SLC2A7: variants seen among roughly 807,000 people sequenced by gnomAD.
SLC2A7 encodes solute carrier family 2, facilitated glucose transporter member 7.
In SLC2A7, 50 loss-of-function variants were observed where a neutral mutation model predicts 50.5. The ratio of observed to expected loss-of-function variants is 0.99; its 90% CI spans 0.79 to 1.25. The LOEUF (loss-of-function observed/expected upper bound fraction) is 1.25. Ranked by LOEUF, SLC2A7 falls within the 50% of genes most tolerant of loss-of-function variation. The pLI, the probability that SLC2A7 is intolerant of heterozygous loss-of-function variation, is 0.00. For synonymous variants in SLC2A7, 308 were observed against 300.4 expected, an observed-to-expected ratio of 1.03 and a Z score of -0.26; for missense variants, 683 against 679.1, an observed-to-expected ratio of 1.01 and a Z score of -0.06.
At chr1:8,998,148 A>C (rs2124226323), downstream of SLC2A7, among the ~76,000 whole-genome samples, 1 of 152,312 alleles carries the variant, frequency 6.6e-6, no homozygotes, top group South Asian at 2.1e-4. Flanking sequence ...TAACACCTGT[A>C]ATCCCAGCAC....
downstream of SLC2A7, among the ~76,000 whole-genome samples, chr1:9,002,675 C>T (rs1219087571): frequency 3.3e-5 from 5 of 152,164 alleles, no homozygotes; most frequent in Non-Finnish European, 5.9e-5. Flanking sequence ...GAGGGTCCTC[C>T]GTATGCTGAG....
At chr1:9,004,541 A>G (rs555525866) in intron 11 of SLC2A7, among the ~76,000 whole-genome samples, 17 of 144,032 alleles carry the variant, frequency 1.2e-4, no homozygotes, top group Non-Finnish European at 2.4e-4. Flanking sequence ...AGCCCTTTAC[A>G]ATGTCAGCAG....
intron 2 of SLC2A7, 90 bp from the exon 3 acceptor site, chr1:9,023,168 A>C (rs953145408): frequency 1.4e-4 from 200 of 1,425,340 alleles, no homozygotes; most frequent in Non-Finnish European, 1.9e-4. Flanking sequence ...GTCATTGTAC[A>C]GAGAGGTTTT....
chr1:9,016,443 A>T (rs979790363), intron 5 of SLC2A7, among the ~76,000 whole-genome samples: 1 of 152,122 alleles, frequency 6.6e-6, no homozygotes, highest in Admixed American at 6.6e-5. Context: ...TTGTCTCTAT[A>T]ACAAAAATAG....
rs147427512 is a variant in SLC2A7 at position 9,003,643 on chromosome 1, A to C, written c.1321-125T>G. ...GAGGCCAAGACAGGTGGATCACCTG[A>C]GGTCAGGAGTTTGAGACCAACCTGG... On this transcript the variant is annotated intron_variant, in intron 11 of 11. Coordinates refer to ENST00000400906, the MANE Select transcript of SLC2A7 (RefSeq NM_207420.3). 2.8e-3 allele frequency: 2,179 copies of C among 768,070 alleles called. 36 individuals carry two copies. The African/African-American group carries it at 0.034, about 12-fold the overall frequency. 47.6% of individuals were successfully genotyped at this position (768,070 alleles called of 1,614,324 possible).
chr1:9,015,814 C>T (rs1640822044), intron 5 of SLC2A7, among the ~76,000 whole-genome samples: 1 of 151,680 alleles, frequency 6.6e-6, no homozygotes. Flanking sequence ...ACCTCAATCT[C>T]CCAGGCTCAT....
Position 9,007,368 on chromosome 1 carries a change from C to T in SLC2A7, c.1134G>A (p.Leu378=), listed in dbSNP as rs748790411. The part of the protein sequence containing the change: ...VLLFQNRVPE[L]SYLGIICVFA... The stretch of plus-strand genomic sequence containing the variant: ...AGACACAGATGATGCCGAGGTAGGA[C>T]AGCTCGGGGACCCTGTTCTGTGGGG... The change falls in exon 10 of 12, where the codon CTG becomes CTA. Residue 378 remains leucine, a synonymous_variant. Transcript: ENST00000400906. 18 of 1,614,176 alleles carry T rather than the reference C, an allele frequency of 1.1e-5. No homozygotes were observed. The South Asian group carries it at 2.0e-4, about 18-fold the overall frequency.
rs1328266058 is a variant in SLC2A7, at chr1:9,003,349, A to G, written c.1490T>C (p.Ile497Thr). Residue 497 changes from isoleucine to threonine, a missense_variant, in exon 12 of 12, where the codon ATT (isoleucine) becomes ACT (threonine). Coordinates refer to ENST00000400906, the MANE Select transcript of SLC2A7 (RefSeq NM_207420.3). ...VKLPEEKEET[I>T]DAGPPTASPA... The stretch of plus-strand genomic sequence containing the variant: ...AGAGGCTGTGGGAGGCCCAGCATCA[A>G]TGGTTTCTTCTTTCTCCTCTGGAAG... The G allele has an allele frequency of 2.5e-6, 4 of 1,614,032 alleles. No individual in the cohort carries two copies. Among genetic ancestry groups the G allele is most frequent in the African/African-American group, 2.7e-5 (2 of 74,904 alleles).
rs1385916132 is a variant in SLC2A7, at chr1:9,008,159, C to T, written c.1117-774G>A. On this transcript the variant is annotated intron_variant, in intron 9 of 11. Coordinates refer to ENST00000400906, the MANE Select transcript of SLC2A7 (RefSeq NM_207420.3). This position sits in a 1 kb window ranked among gnomAD's most constrained non-coding sequence, Gnocchi z 5.9. ...GCAAAACCGGGTCAACGGACTTCAG[C>T]CAAACTAACCGGGTGCCCCCAGATG... 6.6e-6 allele frequency among the ~76,000 whole-genome samples: 1 copy of T among 152,052 alleles called. No homozygotes were observed. The highest frequency in any genetic ancestry group is 1.9e-4 in the East Asian group (1 of 5,188).
At chr1:8,996,664 C>T in the SLC2A7 span, among the ~76,000 whole-genome samples, 6 of 152,164 alleles carry the variant, frequency 3.9e-5, no homozygotes, top group Non-Finnish European at 5.9e-5. Context: ...GTTCCAGTTG[C>T]CCCTCATCTT....
rs140457760 is a variant in SLC2A7 at position 9,007,328 on chromosome 1, C to G, written c.1174G>C (p.Gly392Arg). The part of the protein sequence containing the change: ...GIICVFAYIA[G>R]HSIGPSPVPS... ...TACTCACTGGGCCCAATGGAATGTCCCGCGATGTAGGCAAAGACACAGATG... is the reference window on the plus strand; with the variant it reads ...TACTCACTGGGCCCAATGGAATGTCGCGCGATGTAGGCAAAGACACAGATG... Residue 392 changes from glycine to arginine, a missense_variant, in exon 10 of 12, where the codon GGA (glycine) becomes CGA (arginine). Transcript: ENST00000400906. 2.2e-5 allele frequency: 36 copies of G among 1,614,212 alleles called. No homozygotes were observed. The African/African-American group carries it at 3.9e-4, about 17-fold the overall frequency.
chr1:9,018,640 G>A (rs1249914713), intron 4 of SLC2A7, among the ~76,000 whole-genome samples: 1 of 152,198 alleles, frequency 6.6e-6, no homozygotes, highest in Admixed American at 6.5e-5. Context: ...TACAGGGGAG[G>A]AGCCTAGGCC....
intron 4 of SLC2A7, 83 bp from the exon 5 acceptor site, chr1:9,018,458 CG>C (rs995669428): frequency 3.9e-6 from 6 of 1,549,198 alleles, no homozygotes; most frequent in Non-Finnish European, 5.2e-6. Context: ...TTCCTAATCC[CG>C]GGGCTTCTCC....
At chr1:9,011,282 A>G (rs1640745513) in intron 8 of SLC2A7, among the ~76,000 whole-genome samples, 1 of 152,224 alleles carries the variant, frequency 6.6e-6, no homozygotes, top group Admixed American at 6.5e-5. Context: ...TGTGAGGAAC[A>G]AACTGTCTTT....
intron 3 of SLC2A7, 21 bp from the exon 4 acceptor site, chr1:9,019,354 G>A (rs1640879102): frequency 6.2e-7 from 1 of 1,613,128 alleles, no homozygotes; most frequent in Admixed American, 1.7e-5. Flanking sequence ...AGTGAGCCCA[G>A]AGGGCAGGGG....
chr1:8,993,918 C>G, the SLC2A7 span, among the ~76,000 whole-genome samples: 1 of 152,170 alleles, frequency 6.6e-6, no homozygotes, highest in African/African-American at 2.4e-5. Flanking sequence ...TGAGCCACAG[C>G]GCCTGGCCAC....
intron 3 of SLC2A7, among the ~76,000 whole-genome samples, chr1:9,022,022 AATGT>A (rs1354758321): frequency 6.6e-6 from 1 of 152,200 alleles, no homozygotes; most frequent in Non-Finnish European, 1.5e-5. Flanking sequence ...TCCAGCGCAT[AATGT>A]ATGGCAAATT....
chr1:9,025,639 C>A (rs979099566), intron 1 of SLC2A7, among the ~76,000 whole-genome samples: 10 of 152,136 alleles, frequency 6.6e-5, no homozygotes, highest in African/African-American at 2.4e-4. Flanking sequence ...GCATCCCAGA[C>A]AGAGGGACTC....
chr1:9,001,922 CT>C (rs1640580766), downstream of SLC2A7, among the ~76,000 whole-genome samples: 2 of 152,158 alleles, frequency 1.3e-5, no homozygotes, highest in African/African-American at 4.8e-5. Flanking sequence ...ATTCTTCTGC[CT>C]TGAGATGCTG....
Sources: gnomAD v4.1 joint callset for allele counts (sites outside exome capture counted in the v4.1 genomes callset) on GRCh38, gnomAD v4.1.1 for gene constraint, Gnocchi (gnomAD v3.1) non-coding constraint, MANE v1.5 for transcripts, NCBI Gene and HGNC (gene_info 2026-07-23, HGNC 2026-07-21) for gene names.